The following WWOX variants were observed in gnomAD, a reference collection of about 807,000 sequenced individuals.
WWOX encodes the protein WW domain containing oxidoreductase, also known as WW domain-containing oxidoreductase.
WWOX carries 69 observed loss-of-function variants against 46.2 expected under a neutral mutation model. The observed-to-expected ratio is 1.49, with a 90% CI of 1.23 to 1.82. The LOEUF (loss-of-function observed/expected upper bound fraction) is 1.82, where lower values mean the gene tolerates loss of function less well. WWOX is among the 40% of genes most tolerant of loss of function. The probability of loss-of-function intolerance (pLI) is 0.00; values close to 1 mark genes in which losing one functional copy is unlikely to be tolerated. For missense variants in WWOX, 919 were observed against 542.6 expected (o/e 1.69, Z -6.89); for synonymous variants, 359 against 202.6 (o/e 1.77, Z -6.56).
chr16:78,680,089 A>G (rs947052179), intron 8 of WWOX, among the ~76,000 whole-genome samples: 1 of 152,202 alleles, frequency 6.6e-6, no homozygotes, highest in Admixed American at 6.5e-5. Flanking sequence ...TTCAGCCCTC[A>G]CAGGCTTAGA....
intron 8 of WWOX, among the ~76,000 whole-genome samples, chr16:79,146,066 C>T (rs2050177688): frequency 6.6e-6 from 1 of 152,098 alleles, no homozygotes; most frequent in Non-Finnish European, 1.5e-5. Context: ...ACCGGTAGAA[C>T]TTGGAATATT....
intron 8 of WWOX, among the ~76,000 whole-genome samples, chr16:79,178,116 C>G (rs545842991): frequency 6.6e-6 from 1 of 152,336 alleles, no homozygotes; most frequent in African/African-American, 2.4e-5. Context: ...AATATTATCA[C>G]ATTGGAGATT....
chr16:78,419,714 A>T (rs1431420872), intron 6 of WWOX, among the ~76,000 whole-genome samples: 2 of 150,360 alleles, frequency 1.3e-5, no homozygotes, highest in Non-Finnish European at 3.0e-5. Flanking sequence ...ATAGGGGTAT[A>T]TTTTTCTGAT....
At chr16:78,675,940 T>C (rs1233241634) in intron 8 of WWOX, among the ~76,000 whole-genome samples, 1 of 152,136 alleles carries the variant, frequency 6.6e-6, no homozygotes, top group Non-Finnish European at 1.5e-5. Context: ...AAAATTTAAA[T>C]CCTTCTCTGT....
intron 8 of WWOX, among the ~76,000 whole-genome samples, chr16:78,489,330 A>G (rs1191611584): frequency 2.6e-5 from 4 of 152,240 alleles, no homozygotes; most frequent in Admixed American, 2.6e-4. Flanking sequence ...GCTTGGAATA[A>G]TGAACTGCCA....
At chr16:78,242,121 A>G (rs1304335198) in intron 5 of WWOX, among the ~76,000 whole-genome samples, 5 of 152,220 alleles carry the variant, frequency 3.3e-5, no homozygotes, top group Non-Finnish European at 5.9e-5. Flanking sequence ...TCGGCCTAAC[A>G]TAATTTTGGT....
At chr16:78,329,588 G>A (rs2080710177) in intron 5 of WWOX, among the ~76,000 whole-genome samples, 1 of 152,194 alleles carries the variant, frequency 6.6e-6, no homozygotes, top group African/African-American at 2.4e-5. Context: ...ATCTGGCAAT[G>A]TCCCCAGTGC....
chr16:78,194,659 T>C (rs907262240), intron 5 of WWOX, among the ~76,000 whole-genome samples: 2 of 151,206 alleles, frequency 1.3e-5, no homozygotes, highest in Non-Finnish European at 2.9e-5. Context: ...TTGGAAGACA[T>C]GGCAATAATT....
intron 8 of WWOX, among the ~76,000 whole-genome samples, chr16:78,834,830 TG>T (rs2051932463): frequency 5.9e-5 from 9 of 152,216 alleles, no homozygotes. Context: ...TATATAAATA[TG>T]AAGCTTTAGT....
intron 5 of WWOX, among the ~76,000 whole-genome samples, chr16:78,186,855 G>A (rs2035723992): frequency 6.6e-6 from 1 of 152,170 alleles, no homozygotes; most frequent in African/African-American, 2.4e-5. Flanking sequence ...CTTCACAAGG[G>A]TTCTGGGTAC....
At chr16:78,487,452 G>A (rs577264107) in intron 8 of WWOX, among the ~76,000 whole-genome samples, 5 of 152,242 alleles carry the variant, frequency 3.3e-5, no homozygotes, top group Non-Finnish European at 2.9e-5. Context: ...CTAATGTTCC[G>A]TCTTTGCATG....
intron 5 of WWOX, among the ~76,000 whole-genome samples, chr16:78,382,235 G>GAAGCT (rs1367272063): frequency 6.6e-6 from 1 of 152,188 alleles, no homozygotes; most frequent in Non-Finnish European, 1.5e-5. Flanking sequence ...GCACCTTCTA[G>GAAGCT]AAGCTAGGCA....
chr16:78,641,033 C>G (rs1450569378), intron 8 of WWOX, among the ~76,000 whole-genome samples: 4 of 151,878 alleles, frequency 2.6e-5, no homozygotes, highest in East Asian at 1.9e-4. Context: ...AAAAATTGTC[C>G]TAACTGAGCA....
intron 8 of WWOX, chr16:78,552,915 C>G (rs1478936969): frequency 6.6e-6 from 1 of 152,222 alleles, no homozygotes; most frequent in Admixed American, 6.5e-5. Context: ...CCACATGCCA[C>G]AGGGAGTTAC....
chr16:78,198,227 C>T (rs1381419704), intron 5 of WWOX, among the ~76,000 whole-genome samples: 2 of 149,868 alleles, frequency 1.3e-5, no homozygotes, highest in African/African-American at 2.4e-5. Flanking sequence ...CTAGATCTTG[C>T]ATTTTTACAT....
At chr16:78,538,534 C>T (rs1369469584) in intron 8 of WWOX, among the ~76,000 whole-genome samples, 1 of 152,158 alleles carries the variant, frequency 6.6e-6, no homozygotes, top group Non-Finnish European at 1.5e-5. Flanking sequence ...TTTAACTGAA[C>T]ACCTTCCAGA....
intron 8 of WWOX, among the ~76,000 whole-genome samples, chr16:78,821,404 A>G (rs913153636): frequency 1.3e-5 from 2 of 152,110 alleles, no homozygotes; most frequent in African/African-American, 4.8e-5. Flanking sequence ...CCCCCTGCTC[A>G]CCACATGGCT....
chr16:79,105,500 A>G (rs1002945505), intron 8 of WWOX, among the ~76,000 whole-genome samples: 15 of 152,112 alleles, frequency 9.9e-5, no homozygotes, highest in African/African-American at 3.4e-4. Context: ...ACCTATACCC[A>G]TATCAATATC....
At chr16:79,003,893 A>T (rs959551722) in intron 8 of WWOX, among the ~76,000 whole-genome samples, 2 of 152,176 alleles carry the variant, frequency 1.3e-5, no homozygotes, top group Admixed American at 6.5e-5. Context: ...CCACCTCTCG[A>T]TGAGAGGAGA....
Sources: gnomAD v4.1 joint callset for allele counts (sites outside exome capture counted in the v4.1 genomes callset) on GRCh38, gnomAD v4.1.1 for gene constraint, MANE v1.5 for transcripts, NCBI Gene and HGNC (gene_info 2026-07-23, HGNC 2026-07-21) for gene names.